Variants in SLC35F6 observed in about 807,000 individuals in gnomAD.
The protein encoded by SLC35F6 is ANT2-binding protein.
Under a neutral mutation model 29.4 loss-of-function variants are expected in SLC35F6, and 26 were observed. The ratio of observed to expected loss-of-function variants is 0.89; its 90% CI spans 0.65 to 1.23. The LOEUF is 1.23. Ranked by LOEUF, SLC35F6 falls within the 50% of genes most tolerant of loss-of-function variation. The pLI is 0.00. For synonymous variants in SLC35F6, 174 were observed against 206.6 expected (o/e 0.84, Z 1.35); for missense variants, 428 against 487.8 (o/e 0.88, Z 1.15).
intron 1 of SLC35F6, among the ~76,000 whole-genome samples, chr2:26,766,062 C>G (rs549327040): frequency 6.6e-6 from 1 of 152,170 alleles, no homozygotes; most frequent in African/African-American, 2.4e-5. Flanking sequence ...TCCCAGAAGG[C>G]GTCGCCTTTA....
intron 5 of SLC35F6, 97 bp downstream of exon 5, chr2:26,776,579 A>C (rs937115545): frequency 5.5e-6 from 6 of 1,084,510 alleles, no homozygotes; most frequent in Non-Finnish European, 8.2e-6. Flanking sequence ...GTGGGGGGTG[A>C]ACTTCCTGCC....
At chr2:26,772,396 G>C (rs1232971876) in intron 1 of SLC35F6, among the ~76,000 whole-genome samples, 1 of 152,242 alleles carries the variant, frequency 6.6e-6, no homozygotes, top group African/African-American at 2.4e-5. Context: ...GAAGTCCCGA[G>C]TCTTGCACTT....
Position 26,769,233 on chromosome 2 carries a change from GCTGAGCTTTGAGTTTGGGC to G in SLC35F6, c.77+4811_77+4829del, listed in dbSNP as rs869220793. On this transcript the variant is annotated intron_variant, in intron 1 of 5. Coordinates refer to ENST00000344420, the MANE Select transcript of SLC35F6 (RefSeq NM_017877.4). ...CGTGGACGTGCACACCTCCCAGAAT[GCTGAGCTTTGAGTTTGGGC>G]CTGGCCATGCTAGGGAGTGACTCAC... Among the ~76,000 whole-genome samples, 6 of 152,238 alleles carry G rather than the reference GCTGAGCTTTGAGTTTGGGC, an allele frequency of 3.9e-5. No homozygotes were observed. The East Asian group carries it at 1.2e-3, about 29-fold the overall frequency.
At chr2:26,764,479 C>G in intron 1 of SLC35F6, 53 bp downstream of exon 1, 2 of 1,542,742 alleles carry the variant, frequency 1.3e-6, no homozygotes, top group Non-Finnish European at 1.8e-6. Context: ...GGCGCTCGTT[C>G]TACGCCTTCC....
Position 26,768,831 on chromosome 2 carries a change from C to T in SLC35F6, c.77+4405C>T, listed in dbSNP as rs538355336. On this transcript the variant is annotated intron_variant, in intron 1 of 5. Transcript: ENST00000344420. ...CTAATTTTTGTATTTTTTGTAGAGA[C>T]AGCGTCTTGCCATGTTTCCTAGGCT... 9.9e-5 allele frequency among the ~76,000 whole-genome samples: 15 copies of T among 152,002 alleles called. No homozygotes were observed. The South Asian group carries it at 3.1e-3, about 32-fold the overall frequency.
At chr2:26,773,065 G>A (rs892060329) in intron 1 of SLC35F6, among the ~76,000 whole-genome samples, 1 of 152,140 alleles carries the variant, frequency 6.6e-6, no homozygotes, top group Non-Finnish European at 1.5e-5. Context: ...TGAGCAGGTG[G>A]TCTGTATTAA....
At position 26,778,827 on chromosome 2, in the gene SLC35F6, G is replaced by A. The variant is rs183247497; in HGVS notation, c.*316G>A. The A allele has an allele frequency of 6.1e-4, 221 of 362,764 alleles. No homozygotes were observed. Among genetic ancestry groups the A allele is most frequent in the African/African-American group, 4.3e-3 (210 of 48,968 alleles). The allele number at this position is 362,764 out of a possible 1,614,324, so 22.5% of individuals were successfully genotyped here. ...AGGAATTTACCACCGTAGTGTATCT[G>A]AATCATAAACTAGATTATCATAGTT... On this transcript the variant is annotated 3_prime_UTR_variant, in exon 6 of 6. Coordinates refer to ENST00000344420, the MANE Select transcript of SLC35F6 (RefSeq NM_017877.4).
Position 26,775,151 on chromosome 2 carries a change from C to T in SLC35F6, c.258C>T (p.Phe86=). Residue 86 remains phenylalanine, a synonymous_variant, in exon 3 of 6, where the codon TTC becomes TTT. Transcript: ENST00000344420. This position sits in a 1 kb window ranked among gnomAD's most constrained non-coding sequence, Gnocchi z 4.6. ...SDSSVDPQQP[F]NPLLFLPPAL... Reference sequence around the variant, plus strand: ...CCAGCGTAGACCCCCAGCAGCCCTTCAACCCTCTTCTTTTCCTGCCCCCAG... The same window carrying T: ...CCAGCGTAGACCCCCAGCAGCCCTTTAACCCTCTTCTTTTCCTGCCCCCAG... 6.2e-7 allele frequency: 1 copy of T among 1,614,122 alleles called. No homozygotes were observed. Among genetic ancestry groups the T allele is most frequent in the Non-Finnish European group, 8.5e-7 (1 of 1,180,030 alleles).
At chr2:26,768,929 C>G (rs1162397112) in intron 1 of SLC35F6, among the ~76,000 whole-genome samples, 1 of 152,184 alleles carries the variant, frequency 6.6e-6, no homozygotes, top group East Asian at 1.9e-4. Context: ...AGGCATGCAC[C>G]ACCACACCCA....
At chr2:26,773,961 A>G (rs1164048180) in intron 1 of SLC35F6, among the ~76,000 whole-genome samples, 5 of 152,218 alleles carry the variant, frequency 3.3e-5, no homozygotes, top group African/African-American at 4.8e-5. Flanking sequence ...TGACTACTGT[A>G]ATGTTCATGA....
Position 26,778,269 on chromosome 2 carries a change from C to A in SLC35F6, c.874C>A (p.Arg292Ser). ...SVTKELSATT[R>S]MVLDSLRTVV... ...CACCAAGGAACTGAGCGCCACCACC[C>A]GCATGGTGTTGGACAGCTTGCGCAC... Residue 292 changes from arginine to serine, a missense_variant, in exon 6 of 6, where the codon CGC becomes AGC. Physicochemically the swap from Arg to Ser is moderately radical, Grantham distance 110. Transcript: ENST00000344420. 1 of 1,614,198 alleles carries A rather than the reference C, an allele frequency of 6.2e-7. No homozygotes were observed. The highest frequency in any genetic ancestry group is 8.5e-7 in the Non-Finnish European group (1 of 1,180,026).
intron 1 of SLC35F6, among the ~76,000 whole-genome samples, chr2:26,773,299 G>A (rs960824377): frequency 7.2e-5 from 11 of 151,984 alleles, no homozygotes; most frequent in Admixed American, 5.9e-4. Context: ...AGGAGATTGA[G>A]ACCATCCTGG....
At chr2:26,774,440 A>C (rs770080670) in intron 2 of SLC35F6, 117 bp downstream of exon 2, 494 of 1,110,902 alleles carry the variant, frequency 4.4e-4, no homozygotes, top group Non-Finnish European at 6.0e-4. Context: ...CTGCTCCCAG[A>C]AGAGCCATCC....
chr2:26,765,555 AG>A (rs1664082958), intron 1 of SLC35F6, among the ~76,000 whole-genome samples: 3 of 152,222 alleles, frequency 2.0e-5, no homozygotes. Context: ...GTGTAAGGGA[AG>A]GGGACAGAAG....
chr2:26,778,345 C>T lies in SLC35F6; in HGVS notation c.950C>T (p.Ala317Val). 6.2e-7 allele frequency: 1 copy of T among 1,614,204 alleles called. No homozygotes were observed. The highest frequency in any genetic ancestry group is 1.1e-5 in the South Asian group (1 of 91,088). ...GCACTGGGCTGGGAGGCCTTCCATG[C>T]ACTGCAGATCCTTGGCTTCCTCATA... ...SLALGWEAFH[A>V]LQILGFLILL... Residue 317 changes from alanine (A) to valine (V), a missense_variant, in exon 6 of 6, where the codon GCA (alanine) becomes GTA (valine). Coordinates refer to ENST00000344420, the MANE Select transcript of SLC35F6 (RefSeq NM_017877.4).
At chr2:26,770,785 G>A (rs1664184123) in intron 1 of SLC35F6, among the ~76,000 whole-genome samples, 2 of 152,306 alleles carry the variant, frequency 1.3e-5, no homozygotes, top group South Asian at 2.1e-4. Context: ...TGACAGCAAA[G>A]TGCTGCCCAC....
At chr2:26,776,109 G>C (rs966760632) in intron 4 of SLC35F6, among the ~76,000 whole-genome samples, 7 of 152,214 alleles carry the variant, frequency 4.6e-5, no homozygotes, top group African/African-American at 1.4e-4. Context: ...CTATCTCAAA[G>C]CCTGTTGCTT....
At chr2:26,768,456 G>A (rs576277851) in intron 1 of SLC35F6, among the ~76,000 whole-genome samples, 15 of 150,220 alleles carry the variant, frequency 1.0e-4, no homozygotes, top group South Asian at 4.2e-4. Context: ...TCCGCCTCCC[G>A]GGTGAACGCA....
At chr2:26,765,071 C>G (rs1664073176) in intron 1 of SLC35F6, 1 of 942,148 alleles carries the variant, frequency 1.1e-6, no homozygotes, top group Middle Eastern at 5.4e-4. Context: ...ATATGATTGA[C>G]TCAATGACAT....
Sources: allele counts gnomAD v4.1 joint callset (sites outside exome capture counted in the v4.1 genomes callset), GRCh38; gene constraint gnomAD v4.1.1; non-coding constraint Gnocchi (gnomAD v3.1); transcripts MANE v1.5; gene names NCBI Gene and HGNC (gene_info 2026-07-23, HGNC 2026-07-21).